Variants in OPRM1 observed in about 807,000 individuals in gnomAD.
OPRM1 encodes the protein mu-type opioid receptor.
OPRM1 carries 27 observed loss-of-function variants against 31.8 expected under a neutral mutation model. That is an observed-to-expected ratio of 0.85 (90% CI 0.63 to 1.17). OPRM1 has a LOEUF of 1.17. Among genes scored for constraint, OPRM1 ranks in the 50% most tolerant of loss-of-function variants. The probability of loss-of-function intolerance (pLI) is 0.00; values close to 1 mark genes in which losing one functional copy is unlikely to be tolerated. For missense variants in OPRM1, 536 were observed against 511.1 expected (o/e 1.05, Z -0.47); for synonymous variants, 196 against 189.9 (o/e 1.03, Z -0.26).
At chr6:154,110,836 G>A (rs1796266066) in intron 3 of OPRM1, among the ~76,000 whole-genome samples, 1 of 141,542 alleles carries the variant, frequency 7.1e-6, no homozygotes, top group African/African-American at 2.7e-5. Flanking sequence ...GCAGTGAGCA[G>A]AGATCGCGCC....
At chr6:154,084,013 TG>T (rs1473295210) in intron 1 of OPRM1, among the ~76,000 whole-genome samples, 1 of 146,486 alleles carries the variant, frequency 6.8e-6, no homozygotes, top group African/African-American at 2.5e-5. Context: ...CACACAGGAA[TG>T]GAAACGGCCA....
chr6:154,221,242 G>A (rs1436887897), intron 3 of OPRM1: 1 of 1,608,792 alleles, frequency 6.2e-7, no homozygotes. Flanking sequence ...GGGTTTACCA[G>A]TTTCCTCTAC....
At chr6:154,059,506 G>T (rs1053386694) in intron 1 of OPRM1, among the ~76,000 whole-genome samples, 3 of 152,064 alleles carry the variant, frequency 2.0e-5, no homozygotes, top group Non-Finnish European at 4.4e-5. Flanking sequence ...ATCTAGTCAG[G>T]CTTCCTGGAT....
chr6:154,238,232 G>C (rs1387882592), intron 3 of OPRM1, among the ~76,000 whole-genome samples: 1 of 152,002 alleles, frequency 6.6e-6, no homozygotes, highest in Non-Finnish European at 1.5e-5. Flanking sequence ...GTCTAAACTC[G>C]TGCCATGGTG....
At chr6:154,065,116 T>C (rs1016635472) in intron 1 of OPRM1, among the ~76,000 whole-genome samples, 12 of 151,896 alleles carry the variant, frequency 7.9e-5, no homozygotes, top group African/African-American at 2.9e-4. Context: ...TCCATGAACA[T>C]GGGATGCCTT....
chr6:154,056,748 G>A (rs1326574236), intron 1 of OPRM1, among the ~76,000 whole-genome samples: 1 of 151,950 alleles, frequency 6.6e-6, no homozygotes, highest in Non-Finnish European at 1.5e-5. Context: ...AGCTTTTTCC[G>A]GGGGAGTATT....
At chr6:154,216,365 A>G (rs1036812151) in intron 3 of OPRM1, among the ~76,000 whole-genome samples, 10 of 152,258 alleles carry the variant, frequency 6.6e-5, no homozygotes, top group African/African-American at 2.4e-4. Flanking sequence ...GAACAAATAT[A>G]TCTTCTGTAA....
rs550834723 is a variant in OPRM1 at position 154,121,845 on chromosome 6, C to T, written c.*3124C>T. ...TTTACTTAAGTCAAGTCTATTTATA[C>T]GTTTAAAAGCTAAAAACAAGATCTT... On this transcript the variant is annotated 3_prime_UTR_variant, in exon 4 of 4. Coordinates refer to ENST00000330432, the MANE Select transcript of OPRM1 (RefSeq NM_000914.5). Among the ~76,000 whole-genome samples, 44 of 152,254 alleles carry T rather than the reference C, an allele frequency of 2.9e-4. No homozygotes were observed. Among genetic ancestry groups the T allele is most frequent in the African/African-American group, 9.4e-4 (39 of 41,550 alleles).
At chr6:154,039,900 A>G (rs1779698494) in intron 1 of OPRM1, 66 bp downstream of exon 1, 1 of 1,417,670 alleles carries the variant, frequency 7.1e-7, no homozygotes, top group South Asian at 1.4e-5. Context: ...AGAGACACCT[A>G]ACTCCCAAGG....
intron 3 of OPRM1, among the ~76,000 whole-genome samples, chr6:154,186,000 C>A (rs952310263): frequency 1.3e-5 from 2 of 152,214 alleles, no homozygotes; most frequent in African/African-American, 4.8e-5. Context: ...TGCTTGTGTT[C>A]TTTGCGGCCT....
At chr6:154,203,588 C>T (rs1423112156) in intron 3 of OPRM1, among the ~76,000 whole-genome samples, 1 of 152,134 alleles carries the variant, frequency 6.6e-6, no homozygotes, top group Non-Finnish European at 1.5e-5. Context: ...GTGGGTTCTG[C>T]AGGACCCACT....
intron 3 of OPRM1, among the ~76,000 whole-genome samples, chr6:154,235,531 C>CCA (rs539149573): frequency 2.0e-5 from 2 of 97,594 alleles, no homozygotes; most frequent in African/African-American, 3.7e-5. Flanking sequence ...AACTCTGTCA[C>CCA]AAAAAAAAAA....
chr6:154,192,178 T>C (rs1801948298), intron 3 of OPRM1, among the ~76,000 whole-genome samples: 1 of 152,180 alleles, frequency 6.6e-6, no homozygotes, highest in Non-Finnish European at 1.5e-5. Context: ...CTTTACTAGA[T>C]GATGACAAAT....
chr6:154,209,846 G>A (rs6913456), intron 3 of OPRM1, among the ~76,000 whole-genome samples: 90,025 of 152,000 alleles, frequency 0.59, 27,046 homozygotes, highest in Middle Eastern at 0.67. Flanking sequence ...ACTGTTCAAC[G>A]TTTATCTGAC....
At chr6:154,087,511 A>T (rs966605069) in intron 1 of OPRM1, 1 of 985,502 alleles carries the variant, frequency 1.0e-6, no homozygotes, top group South Asian at 4.7e-5. Context: ...TCAAATCCAC[A>T]TCCTCCGGAT....
intron 3 of OPRM1, among the ~76,000 whole-genome samples, chr6:154,191,739 C>A (rs1801908508): frequency 6.6e-6 from 1 of 151,986 alleles, no homozygotes; most frequent in Non-Finnish European, 1.5e-5. Flanking sequence ...AAACCATAGA[C>A]TTTAGTTAAT....
chr6:154,011,462 T>C (rs1292684102), intron 1 of OPRM1, among the ~76,000 whole-genome samples: 1 of 152,188 alleles, frequency 6.6e-6, no homozygotes, highest in African/African-American at 2.4e-5. Context: ...ACAAAAGTGG[T>C]ATTTTTTAGT....
At chr6:154,231,313 T>G (rs1483507105) in intron 3 of OPRM1, among the ~76,000 whole-genome samples, 1 of 152,242 alleles carries the variant, frequency 6.6e-6, no homozygotes, top group Non-Finnish European at 1.5e-5. Context: ...CTGGTGGTAA[T>G]GCAAAATGGA....
chr6:154,064,180 T>C (rs962327397), intron 1 of OPRM1, among the ~76,000 whole-genome samples: 1 of 152,156 alleles, frequency 6.6e-6, no homozygotes, highest in Admixed American at 6.5e-5. Context: ...CTAATGAATG[T>C]GAGGAGGTGT....
Sources: allele counts gnomAD v4.1 joint callset (sites outside exome capture counted in the v4.1 genomes callset), GRCh38; gene constraint gnomAD v4.1.1; transcripts MANE v1.5; gene names NCBI Gene and HGNC (gene_info 2026-07-23, HGNC 2026-07-21).